Variants in ELOF1 observed in about 807,000 individuals in gnomAD.
ELOF1 encodes the protein elongation factor 1, also known as transcription elongation factor 1 homolog.
In ELOF1, 4 loss-of-function variants were observed where a neutral mutation model predicts 7.1. That is an observed-to-expected ratio of 0.56 (90% CI 0.28 to 1.29). The LOEUF is 1.29. Among genes scored for constraint, ELOF1 ranks in the 50% most tolerant of loss-of-function variants. The probability of loss-of-function intolerance (pLI) is 0.10; values close to 1 mark genes in which losing one functional copy is unlikely to be tolerated. For synonymous variants in ELOF1, 31 were observed against 31.9 expected (o/e 0.97, Z 0.09); for missense variants, 59 against 86.3 (o/e 0.68, Z 1.25).
chr19:11,558,601 T>C (rs1005346340), intron 1 of ELOF1, among the ~76,000 whole-genome samples: 10 of 151,628 alleles, frequency 6.6e-5, no homozygotes, highest in African/African-American at 2.4e-4. Flanking sequence ...AAATTAGCCT[T>C]GAGTCTGTAG....
exon 2 of ELOF1, chr19:11,554,338 T>G (rs1399603958): frequency 2.5e-6 from 4 of 1,613,848 alleles, no homozygotes; most frequent in Non-Finnish European, 2.5e-6. Flanking sequence ...TTTGACTTTC[T>G]GCGCCCCATG....
chr19:11,554,001 C>A lies in ELOF1; in HGVS notation c.187+10G>T, dbSNP rs1972784641. 6.2e-7 allele frequency: 1 copy of A among 1,614,064 alleles called. No individual in the cohort carries two copies. The highest frequency in any genetic ancestry group is 1.3e-5 in the African/African-American group (1 of 74,928). On this transcript the variant is annotated intron_variant, in intron 3 of 3. Transcript: ENST00000586683. ...CACCCTCTGGAAAAAGCCCAGGTTT[C>A]CAAGGATACACGTTATGGGCGTCTG...
intron 3 of ELOF1, chr19:11,553,591 A>ACACACC: frequency 3.8e-6 from 1 of 262,094 alleles, no homozygotes; most frequent in Non-Finnish European, 6.2e-6. Flanking sequence ...CTACACACAC[A>ACACACC]CACACACACA....
chr19:11,556,206 G>GT (rs1268607566), intron 1 of ELOF1, among the ~76,000 whole-genome samples: 3 of 152,178 alleles, frequency 2.0e-5, no homozygotes, highest in East Asian at 3.8e-4. Flanking sequence ...TCGTTCCACT[G>GT]TGACGGGGAG....
At chr19:11,553,206 G>T in intron 3 of ELOF1, 1 of 400,126 alleles carries the variant, frequency 2.5e-6, no homozygotes, top group Non-Finnish European at 4.4e-6. Flanking sequence ...CCTGGGGAAC[G>T]GCGGCTTTGA....
At chr19:11,553,372 G>C in intron 3 of ELOF1, 1 of 455,154 alleles carries the variant, frequency 2.2e-6, no homozygotes, top group Admixed American at 3.6e-5. Context: ...AATTCCGCCG[G>C]GGGGAGCCAG....
At chr19:11,558,393 A>G (rs1972864320) in intron 1 of ELOF1, among the ~76,000 whole-genome samples, 1 of 151,948 alleles carries the variant, frequency 6.6e-6, no homozygotes, top group African/African-American at 2.4e-5. Flanking sequence ...TGGCGTTACA[A>G]GCATGAGCCA....
Position 11,553,815 on chromosome 19 carries a change from G to A in ELOF1, c.187+196C>T, listed in dbSNP as rs1362969613. ...CATCCACGGGTTCTGACAGATCTGG[G>A]CCACTTAGGTCAAGGGCGATCATTG... On this transcript the variant is annotated intron_variant, in intron 3 of 3. Coordinates refer to ENST00000586683, the Ensembl canonical transcript of ELOF1. 1.9e-6 allele frequency: 3 copies of A among 1,614,178 alleles called. No individual in the cohort carries two copies. The highest frequency in any genetic ancestry group is 2.2e-5 in the East Asian group (1 of 44,886).
chr19:11,553,142 T>C (rs1048039253), intron 3 of ELOF1: 28 of 401,512 alleles, frequency 7.0e-5, no homozygotes, highest in Admixed American at 1.3e-4. Context: ...TGAAACGGGC[T>C]TCCTGGTTAC....
intron 1 of ELOF1, 142 bp from the exon 2 acceptor site, chr19:11,554,507 T>TC: frequency 7.5e-6 from 9 of 1,194,384 alleles, no homozygotes; most frequent in Middle Eastern, 2.9e-4. Flanking sequence ...AGGCCCTCAG[T>TC]CCTGATGCAG....
At chr19:11,556,493 G>A (rs996910029) in intron 1 of ELOF1, among the ~76,000 whole-genome samples, 2 of 151,990 alleles carry the variant, frequency 1.3e-5, no homozygotes. Flanking sequence ...TAGAGATGGG[G>A]TTTCACCGTG....
chr19:11,557,510 C>T (rs1213846793), intron 1 of ELOF1, among the ~76,000 whole-genome samples: 2 of 150,412 alleles, frequency 1.3e-5, no homozygotes, highest in East Asian at 1.9e-4. Context: ...GCAGGAGAAT[C>T]GCTTGAACCT....
At chr19:11,557,622 C>T (rs1972852603) in intron 1 of ELOF1, among the ~76,000 whole-genome samples, 1 of 132,392 alleles carries the variant, frequency 7.6e-6, no homozygotes. Context: ...AGGCTGAGTG[C>T]AGTGGTTCAC....
At position 11,553,908 on chromosome 19, in the gene ELOF1, C is replaced by T. The variant is rs7248573; in HGVS notation, c.187+103G>A. 0.011 allele frequency: 17,777 copies of T among 1,609,742 alleles called. 1,715 individuals are homozygous for T. The African/African-American group carries it at 0.21, about 19-fold the overall frequency. On this transcript the variant is annotated intron_variant, in intron 3 of 3. Coordinates refer to ENST00000586683, the Ensembl canonical transcript of ELOF1. ...ACTAGGTGGCACCTGTTCCTCTGGACGGCTTTGGCCCTGCACCAGGGCACA... is the reference window on the plus strand; with the variant it reads ...ACTAGGTGGCACCTGTTCCTCTGGATGGCTTTGGCCCTGCACCAGGGCACA...
intron 1 of ELOF1, among the ~76,000 whole-genome samples, chr19:11,556,267 TA>T (rs2145059256): frequency 6.6e-6 from 1 of 152,256 alleles, no homozygotes; most frequent in Non-Finnish European, 1.5e-5. Flanking sequence ...TTTCATTCAT[TA>T]TCTGCTGATC....
intron 3 of ELOF1, chr19:11,553,571 C>T (rs571708810): frequency 2.7e-5 from 20 of 736,718 alleles, no homozygotes; most frequent in Admixed American, 1.2e-4. Flanking sequence ...CACACCCACA[C>T]GCACACCCAC....
Position 11,554,672 on chromosome 19 carries a change from T to G in ELOF1, c.-18-307A>C. The G allele has an allele frequency of 7.2e-6, 3 of 419,010 alleles. No individual in the cohort carries two copies. In the South Asian group the frequency reaches 1.8e-4, roughly 25 times the overall value. 26.0% of individuals were successfully genotyped at this position (419,010 alleles called of 1,614,324 possible). On this transcript the variant is annotated intron_variant, in intron 1 of 3. Coordinates refer to ENST00000586683, the Ensembl canonical transcript of ELOF1. ...CAGAGACAAGGCCAGGCATGGTGGCTCACACCTGTGATCCCAGCCAGCACT... is the reference window on the plus strand; with the variant it reads ...CAGAGACAAGGCCAGGCATGGTGGCGCACACCTGTGATCCCAGCCAGCACT...
chr19:11,554,511 G>T, intron 1 of ELOF1, 146 bp from the exon 2 acceptor site: 1 of 1,153,122 alleles, frequency 8.7e-7, no homozygotes, highest in Non-Finnish European at 1.2e-6. Context: ...CCTCAGTCCT[G>T]ATGCAGGAGG....
intron 3 of ELOF1, chr19:11,553,554 T>G: frequency 1.5e-6 from 1 of 670,960 alleles, no homozygotes; most frequent in Non-Finnish European, 2.5e-6. Flanking sequence ...CCACACTCAC[T>G]CACACCCACA....
Sources: gnomAD v4.1 joint callset for allele counts (sites outside exome capture counted in the v4.1 genomes callset) on GRCh38, gnomAD v4.1.1 for gene constraint, MANE v1.5 for transcripts, NCBI Gene and HGNC (gene_info 2026-07-23, HGNC 2026-07-21) for gene names.